The following CSMD2 variants were observed in gnomAD, a reference collection of about 807,000 sequenced individuals.
CSMD2 encodes the protein CUB and sushi domain-containing protein 2.
In CSMD2, 130 loss-of-function variants were observed where a neutral mutation model predicts 398.5. The observed-to-expected ratio is 0.33, with a 90% CI of 0.28 to 0.38. The LOEUF (loss-of-function observed/expected upper bound fraction) is 0.38. Among genes scored for constraint, CSMD2 ranks in the 10% least tolerant of loss-of-function variants. The pLI, the probability that CSMD2 is intolerant of heterozygous loss-of-function variation, is 1.00. For synonymous variants in CSMD2, 1,828 were observed against 1,908.5 expected (o/e 0.96, Z 1.10); for missense variants, 3,829 against 4,764.9 (o/e 0.80, Z 5.78).
At position 33,918,140 on chromosome 1, in the gene CSMD2, C is replaced by A. The variant is rs1395655812; in HGVS notation, c.874G>T (p.Gly292Cys). 6.2e-7 allele frequency: 1 copy of A among 1,614,104 alleles called. No individual in the cohort carries two copies. Among genetic ancestry groups the A allele is most frequent in the Admixed American group, 1.7e-5 (1 of 60,016 alleles). ...LVFIDFQLED[G>C]YDFLEVTGTE... ...CCAGTGACTTCCAGAAAGTCGTAACCATCCTCCAGCTGGAAGTCAATAAAC... is the reference window on the plus strand; with the variant it reads ...CCAGTGACTTCCAGAAAGTCGTAACAATCCTCCAGCTGGAAGTCAATAAAC... The change falls in exon 5 of 71, where the codon GGT becomes TGT. Residue 292 changes from glycine to cysteine, a missense_variant. Around this residue, in one of 5 missense-constraint regions of CSMD2, gnomAD observed 2,001 missense variants for 2,567.1 expected, o/e 0.78. Transcript: ENST00000373381.
At chr1:34,057,909 C>A (rs925901422) in intron 2 of CSMD2, among the ~76,000 whole-genome samples, 3 of 152,142 alleles carry the variant, frequency 2.0e-5, no homozygotes, top group Admixed American at 2.0e-4. Flanking sequence ...GGCAGGCAAG[C>A]TGGGGGTTGG....
At chr1:34,091,538 C>T (rs537686275) in intron 1 of CSMD2, among the ~76,000 whole-genome samples, 14 of 152,062 alleles carry the variant, frequency 9.2e-5, no homozygotes, top group Non-Finnish European at 1.8e-4. Context: ...TAAATTGACT[C>T]GACACTAATT....
At position 33,748,108 on chromosome 1, in the gene CSMD2, A is replaced by C. The variant is rs1395764447; in HGVS notation, c.1847-4502T>G. ...ACTCTTAGAACAAGAATGTGGCCTT[A>C]TAAAGCTCTGTCTTCCATCTCAAAA... On this transcript the variant is annotated intron_variant, in intron 13 of 70. Coordinates refer to ENST00000373381, the MANE Select transcript of CSMD2 (RefSeq NM_001281956.2). 2.0e-5 allele frequency among the ~76,000 whole-genome samples: 3 copies of C among 152,216 alleles called. No individual in the cohort carries two copies. In the South Asian group the frequency reaches 6.2e-4, roughly 32 times the overall value.
intron 5 of CSMD2, among the ~76,000 whole-genome samples, chr1:33,915,321 G>A (rs909791972): frequency 6.6e-6 from 1 of 152,190 alleles, no homozygotes; most frequent in Admixed American, 6.5e-5. Flanking sequence ...CCATAAAGGA[G>A]AGGGGCAAGG....
At chr1:33,729,561 T>C (rs944794671) in intron 15 of CSMD2, among the ~76,000 whole-genome samples, 1 of 151,364 alleles carries the variant, frequency 6.6e-6, no homozygotes, top group Non-Finnish European at 1.5e-5. Flanking sequence ...ACATGTGCCA[T>C]GCTGGTGTGC....
intron 44 of CSMD2, among the ~76,000 whole-genome samples, chr1:33,596,529 A>T (rs1639849086): frequency 6.6e-6 from 1 of 152,126 alleles, no homozygotes. Flanking sequence ...GGTTTAGTTG[A>T]CTCACAGTTC....
At chr1:33,775,719 G>C (rs1176758502) in intron 12 of CSMD2, among the ~76,000 whole-genome samples, 1 of 152,168 alleles carries the variant, frequency 6.6e-6, no homozygotes, top group Non-Finnish European at 1.5e-5. Flanking sequence ...GGCTATATGG[G>C]TCTTAAGTTC....
intron 1 of CSMD2, among the ~76,000 whole-genome samples, chr1:34,139,136 A>C (rs1210687036): frequency 6.6e-6 from 1 of 152,200 alleles, no homozygotes; most frequent in Non-Finnish European, 1.5e-5. Context: ...CTTAATCCCC[A>C]AAGTGGCAGT....
In CSMD2 at chr1:33,724,532, G is replaced by GGCCC; in HGVS notation, c.2864_2867dup (p.Leu957GlyfsTer6). The GGCCC allele has an allele frequency of 6.2e-7, 1 of 1,613,958 alleles. No individual in the cohort carries two copies. Among genetic ancestry groups the GGCCC allele is most frequent in the Non-Finnish European group, 8.5e-7 (1 of 1,179,894 alleles). On this transcript the variant is annotated frameshift_variant, in exon 18 of 71. Transcript: ENST00000373381. LOFTEE classifies it high-confidence loss of function. ...GTCCCTCACCTTCACAACTGGGCAG[G>GGCCC]GCCCGGCTCCACTGGAAGTTGGGCT...
chr1:34,074,393 C>A (rs1251509781), intron 2 of CSMD2, among the ~76,000 whole-genome samples: 1 of 152,174 alleles, frequency 6.6e-6, no homozygotes, highest in Non-Finnish European at 1.5e-5. Flanking sequence ...GTGGAGCTGG[C>A]CCGGGCCACT....
chr1:33,757,144 C>T (rs1281647059), intron 13 of CSMD2, among the ~76,000 whole-genome samples: 1 of 146,844 alleles, frequency 6.8e-6, no homozygotes, highest in Non-Finnish European at 1.5e-5. Flanking sequence ...ACATCACAAT[C>T]TGGGGACTGT....
chr1:33,648,228 G>C (rs955681745), intron 28 of CSMD2, among the ~76,000 whole-genome samples: 12 of 152,098 alleles, frequency 7.9e-5, no homozygotes, highest in African/African-American at 2.9e-4. Context: ...CAGGCGTGGT[G>C]GTGGGCACCT....
intron 6 of CSMD2, among the ~76,000 whole-genome samples, chr1:33,844,648 A>G (rs1661185922): frequency 6.6e-6 from 1 of 152,214 alleles, no homozygotes; most frequent in Non-Finnish European, 1.5e-5. Flanking sequence ...TGGCTCCTAC[A>G]TACTATTAAT....
At chr1:33,725,237 A>G (rs1190562987) in intron 17 of CSMD2, 112 bp downstream of exon 17, 1 of 870,934 alleles carries the variant, frequency 1.1e-6, no homozygotes, top group African/African-American at 1.7e-5. Flanking sequence ...CCTAGCCAAG[A>G]ACACCATGGG....
At chr1:33,980,872 G>A (rs940854241) in intron 3 of CSMD2, among the ~76,000 whole-genome samples, 2 of 152,230 alleles carry the variant, frequency 1.3e-5, no homozygotes, top group African/African-American at 2.4e-5. Flanking sequence ...CAGATCTGAA[G>A]GATGGGGTGG....
chr1:33,804,818 T>C, intron 10 of CSMD2: 1 of 717,414 alleles, frequency 1.4e-6, no homozygotes, highest in Non-Finnish European at 2.6e-6. Flanking sequence ...GAAGACAACT[T>C]CTATTCCTCA....
intron 54 of CSMD2, among the ~76,000 whole-genome samples, chr1:33,558,370 T>A (rs1570729363): frequency 6.6e-6 from 1 of 152,234 alleles, no homozygotes; most frequent in Non-Finnish European, 1.5e-5. Flanking sequence ...TTTTAATCAC[T>A]TTTATGAGTA....
intron 1 of CSMD2, among the ~76,000 whole-genome samples, chr1:34,135,686 A>G (rs1638676787): frequency 6.6e-6 from 1 of 150,834 alleles, no homozygotes; most frequent in Admixed American, 6.6e-5. Context: ...AATATCATGT[A>G]GCCACTAAGA....
chr1:33,644,809 CA>C (rs1300090762), intron 29 of CSMD2, among the ~76,000 whole-genome samples: 1 of 152,050 alleles, frequency 6.6e-6, no homozygotes, highest in Non-Finnish European at 1.5e-5. Context: ...GTGCTGATAT[CA>C]GTGTGTGGAA....
Sources: allele counts gnomAD v4.1 joint callset (sites outside exome capture counted in the v4.1 genomes callset), GRCh38; gene constraint gnomAD v4.1.1; regional missense constraint gnomAD v4.1.1; transcripts MANE v1.5; gene names NCBI Gene and HGNC (gene_info 2026-07-23, HGNC 2026-07-21).